SYNE1: variants seen among roughly 807,000 people sequenced by gnomAD.
SYNE1 encodes the protein spectrin repeat containing nuclear envelope protein 1.
SYNE1 carries 616 observed loss-of-function variants against 1,111.0 expected under a neutral mutation model. The observed-to-expected ratio is 0.55, with a 90% confidence interval of 0.52 to 0.59. The LOEUF (loss-of-function observed/expected upper bound fraction) is 0.59, where lower values mean the gene tolerates loss of function less well. SYNE1 is among the 20% of genes least tolerant of loss of function. SYNE1 has a pLI of 0.00. For missense variants in SYNE1, 10,006 were observed against 10,417.0 expected, an observed-to-expected ratio of 0.96 and a Z score of 1.72; for synonymous variants, 3,855 against 3,825.8, an observed-to-expected ratio of 1.01 and a Z score of -0.28.
At chr6:152,284,598 C>T (rs2153733890) in intron 95 of SYNE1, among the ~76,000 whole-genome samples, 2 of 149,846 alleles carry the variant, frequency 1.3e-5, no homozygotes, top group South Asian at 2.1e-4. Flanking sequence ...GTGTGTGCTA[C>T]CACACCTGGT....
intron 115 of SYNE1, 63 bp downstream of exon 115, chr6:152,230,484 A>C (rs2082537116): frequency 6.6e-7 from 1 of 1,524,152 alleles, no homozygotes; most frequent in South Asian, 1.1e-5. Flanking sequence ...CAAGGCCTAT[A>C]AACATATTAG....
At chr6:152,511,428 G>A in intron 6 of SYNE1, 2 of 712,150 alleles carry the variant, frequency 2.8e-6, no homozygotes, top group Non-Finnish European at 4.8e-6. Context: ...TATATTTAGA[G>A]GTTGACTGGA....
intron 100 of SYNE1, among the ~76,000 whole-genome samples, chr6:152,267,708 A>T (rs2153671561): frequency 6.6e-6 from 1 of 152,232 alleles, no homozygotes; most frequent in East Asian, 1.9e-4. Flanking sequence ...ATAAGCTCTT[A>T]CAGAGAGAAT....
chr6:152,351,606 A>G (rs1357060840), intron 70 of SYNE1, among the ~76,000 whole-genome samples: 1 of 152,216 alleles, frequency 6.6e-6, no homozygotes, highest in African/African-American at 2.4e-5. Context: ...TCTTATAAAT[A>G]TGATATGTCA....
At chr6:152,189,534 C>A (rs1423241347) in intron 127 of SYNE1, 127 bp from the exon 128 acceptor site, 2 of 842,788 alleles carry the variant, frequency 2.4e-6, no homozygotes, top group South Asian at 1.6e-5. Context: ...AACTTGGGAT[C>A]TAGAGGCACA....
intron 137 of SYNE1, 76 bp from the exon 138 acceptor site, chr6:152,143,841 T>C: frequency 6.2e-7 from 1 of 1,604,692 alleles, no homozygotes; most frequent in Non-Finnish European, 8.5e-7. Context: ...AAGGAGAAGT[T>C]TCAGAAATGA....
intron 91 of SYNE1, among the ~76,000 whole-genome samples, chr6:152,306,322 C>A (rs915340034): frequency 6.6e-6 from 1 of 151,914 alleles, no homozygotes; most frequent in Non-Finnish European, 1.5e-5. Context: ...CCCGTCTCTA[C>A]TAAAAATACA....
intron 112 of SYNE1, 60 bp downstream of exon 112, chr6:152,233,721 A>T: frequency 1.2e-6 from 2 of 1,600,660 alleles, no homozygotes; most frequent in Non-Finnish European, 8.5e-7. Flanking sequence ...AAATTAATGT[A>T]TTTCTCCATG....
At chr6:152,422,264 G>T (rs933942025) in intron 39 of SYNE1, among the ~76,000 whole-genome samples, 1 of 152,054 alleles carries the variant, frequency 6.6e-6, no homozygotes, top group Non-Finnish European at 1.5e-5. Flanking sequence ...TTTTTCTTCT[G>T]TTTCCTTAGA....
At chr6:152,479,010 G>A (rs1462561778) in intron 14 of SYNE1, among the ~76,000 whole-genome samples, 1 of 152,182 alleles carries the variant, frequency 6.6e-6, no homozygotes, top group Non-Finnish European at 1.5e-5. Flanking sequence ...AAGAGAACAG[G>A]ATACAGTGAA....
At chr6:152,481,843 G>A (rs1343160068) in intron 14 of SYNE1, among the ~76,000 whole-genome samples, 1 of 150,854 alleles carries the variant, frequency 6.6e-6, no homozygotes, top group Non-Finnish European at 1.5e-5. Flanking sequence ...CCACTTTAGG[G>A]CACTAAGGCA....
rs1180413011 is a variant in SYNE1 at position 152,399,744 on chromosome 6, T to C, written c.7109A>G (p.Tyr2370Cys). The C allele has an allele frequency of 1.2e-6, 2 of 1,614,178 alleles. No individual in the cohort carries two copies. The highest frequency in any genetic ancestry group is 1.7e-6 in the Non-Finnish European group (2 of 1,180,016). ...QENLNSLCRK[Y>C]HSAELESLGR... ...CAGGCTCTCCAACTCAGCTGAGTGG[T>C]ACTTGCGGCACAAGCTATTGAGATT... Residue 2370 changes from tyrosine to cysteine, a missense_variant, in exon 48 of 146, where the codon TAC (tyrosine) becomes TGC (cysteine). This residue lies in a region of SYNE1 where 4,955 missense variants were observed against 5,017.2 expected (regional missense o/e 0.99). Coordinates refer to ENST00000367255, the MANE Select transcript of SYNE1 (RefSeq NM_182961.4).
chr6:152,436,238 T>C (rs1246600931), intron 32 of SYNE1, 137 bp from the exon 33 acceptor site: 1 of 896,038 alleles, frequency 1.1e-6, no homozygotes, highest in Non-Finnish European at 1.7e-6. Flanking sequence ...CTTACATTGT[T>C]CTTAACAATA....
intron 39 of SYNE1, among the ~76,000 whole-genome samples, chr6:152,420,773 CT>C (rs1409118702): frequency 1.6e-5 from 2 of 128,962 alleles, no homozygotes; most frequent in East Asian, 5.4e-4. Flanking sequence ...ATTGCTGATT[CT>C]TTTTATGTTT....
In SYNE1 at chr6:152,314,481, T is replaced by C. The variant is rs79155044; in HGVS notation, c.16710+2368A>G. 5.3e-5 allele frequency among the ~76,000 whole-genome samples: 8 copies of C among 152,292 alleles called. No individual in the cohort carries two copies. The East Asian group carries it at 1.4e-3, about 26-fold the overall frequency. On this transcript the variant is annotated intron_variant, in intron 87 of 145. Coordinates refer to ENST00000367255, the MANE Select transcript of SYNE1 (RefSeq NM_182961.4). ...TTAAACCCCTGGTGGGCGGTTGGGT[T>C]GAGCACACTCCTGTGGGCTCCTTCA... is the stretch of plus-strand genomic sequence containing the variant.
chr6:152,205,698 C>T (rs189737692), intron 126 of SYNE1, among the ~76,000 whole-genome samples: 1 of 152,324 alleles, frequency 6.6e-6, no homozygotes, highest in Non-Finnish European at 1.5e-5. Context: ...TAATACACCT[C>T]CTGGAGATTT....
chr6:152,275,358 A>AT (rs1446951723), intron 98 of SYNE1, among the ~76,000 whole-genome samples: 1 of 151,960 alleles, frequency 6.6e-6, no homozygotes, highest in Non-Finnish European at 1.5e-5. Flanking sequence ...CCTGTGATAC[A>AT]TTTTTCTGTA....
chr6:152,338,851 G>A (rs1176957423), intron 75 of SYNE1, among the ~76,000 whole-genome samples: 1 of 151,834 alleles, frequency 6.6e-6, no homozygotes, highest in African/African-American at 2.4e-5. Context: ...TGACATCCTT[G>A]ATATAATAAA....
At chr6:152,596,275 T>C (rs1030351489) in intron 3 of SYNE1, among the ~76,000 whole-genome samples, 8 of 148,772 alleles carry the variant, frequency 5.4e-5, no homozygotes, top group African/African-American at 2.0e-4. Flanking sequence ...TGTTTGTTTT[T>C]TTTTTTTTTT....
Sources: gnomAD v4.1 joint callset for allele counts (sites outside exome capture counted in the v4.1 genomes callset) on GRCh38, gnomAD v4.1.1 for gene constraint, gnomAD v4.1.1 regional missense constraint, MANE v1.5 for transcripts, NCBI Gene and HGNC (gene_info 2026-07-23, HGNC 2026-07-21) for gene names.